Variants in NKAIN3 observed in about 807,000 individuals in gnomAD.
NKAIN3 encodes sodium/potassium transporting ATPase interacting 3.
Under a neutral mutation model 30.2 loss-of-function variants are expected in NKAIN3, and 25 were observed. The ratio of observed to expected loss-of-function variants is 0.83; its 90% confidence interval spans 0.60 to 1.16. The LOEUF is 1.16. Among genes scored for constraint, NKAIN3 ranks in the 50% most tolerant of loss-of-function variants. NKAIN3 has a pLI of 0.00. For missense variants in NKAIN3, 225 were observed against 254.1 expected (o/e 0.89, Z 0.78); for synonymous variants, 91 against 89.6 (o/e 1.02, Z -0.09).
At chr8:62,889,440 A>G (rs1417012600) in intron 4 of NKAIN3, among the ~76,000 whole-genome samples, 2 of 152,146 alleles carry the variant, frequency 1.3e-5, no homozygotes, top group Non-Finnish European at 2.9e-5. Context: ...GGTCCCTCAG[A>G]AGACCACCAA....
At chr8:62,782,849 A>G (rs938224961) in intron 4 of NKAIN3, among the ~76,000 whole-genome samples, 1 of 151,300 alleles carries the variant, frequency 6.6e-6, no homozygotes, top group Admixed American at 6.6e-5. Context: ...AAATGCAGTT[A>G]GATAGAAGAA....
chr8:62,830,950 G>C lies in NKAIN3; in HGVS notation c.471+83821G>C, dbSNP rs1161481178. Among the ~76,000 whole-genome samples, 4 of 152,274 alleles carry C rather than the reference G, an allele frequency of 2.6e-5. No homozygotes were observed. In the East Asian group the frequency reaches 7.8e-4, roughly 30 times the overall value. On this transcript the variant is annotated intron_variant, in intron 4 of 6. Coordinates refer to ENST00000623646, the MANE Select transcript of NKAIN3 (RefSeq NM_001304533.3). ...CACCCATCTTGGACCCTCCCCACAG[G>C]GATGAGCAAGAAGCTCAGACTGCCC...
chr8:62,932,690 G>C (rs1209817060), intron 5 of NKAIN3, among the ~76,000 whole-genome samples: 1 of 152,118 alleles, frequency 6.6e-6, no homozygotes, highest in Non-Finnish European at 1.5e-5. Flanking sequence ...TTTTACACTA[G>C]TGATTTTCAA....
chr8:62,837,402 A>T lies in NKAIN3; in HGVS notation c.472-81051A>T, dbSNP rs373863478. Among the ~76,000 whole-genome samples, 14 of 152,188 alleles carry T rather than the reference A, an allele frequency of 9.2e-5. 1 individual carries two copies. The East Asian group carries it at 1.9e-3, about 21-fold the overall frequency. On this transcript the variant is annotated intron_variant, in intron 4 of 6. Coordinates refer to ENST00000623646, the MANE Select transcript of NKAIN3 (RefSeq NM_001304533.3). ...CGGAGGAAACGCCCTTATAGTTGGT[A>T]TCGGGAAACACAAAGAATTATTTTC...
chr8:62,345,749 A>T (rs1469913205), intron 1 of NKAIN3, among the ~76,000 whole-genome samples: 1 of 151,654 alleles, frequency 6.6e-6, no homozygotes, highest in Non-Finnish European at 1.5e-5. Context: ...CCAAATGGGG[A>T]TATCCTATAC....
chr8:62,733,298 T>C (rs887391103), intron 3 of NKAIN3, among the ~76,000 whole-genome samples: 4 of 152,210 alleles, frequency 2.6e-5, no homozygotes, highest in Admixed American at 2.6e-4. Context: ...TTATGGGAAT[T>C]TGCCTATCTT....
intron 5 of NKAIN3, among the ~76,000 whole-genome samples, chr8:62,997,377 CAGTG>C (rs778216621): frequency 1.3e-5 from 2 of 150,810 alleles, no homozygotes; most frequent in Non-Finnish European, 3.0e-5. Flanking sequence ...AAAACCATGG[CAGTG>C]AGTAAGAATG....
intron 1 of NKAIN3, among the ~76,000 whole-genome samples, chr8:62,262,457 G>A (rs955152966): frequency 1.8e-4 from 27 of 152,082 alleles, no homozygotes; most frequent in Non-Finnish European, 2.5e-4. Flanking sequence ...TTCTTTCTCC[G>A]TAAAAGTTTA....
intron 4 of NKAIN3, chr8:62,855,837 A>C: frequency 2.4e-6 from 2 of 824,814 alleles, no homozygotes; most frequent in Non-Finnish European, 2.1e-6. Flanking sequence ...AGTCACCAGA[A>C]ATTTCTGGTC....
chr8:62,783,746 G>A (rs1586190726), intron 4 of NKAIN3, among the ~76,000 whole-genome samples: 1 of 151,820 alleles, frequency 6.6e-6, no homozygotes, highest in Admixed American at 6.6e-5. Flanking sequence ...GAGTAGGTGA[G>A]ACTACAAGGG....
rs1367636831 is a variant in NKAIN3 at position 62,310,426 on chromosome 8, T to C, written c.54+61299T>C. On this transcript the variant is annotated intron_variant, in intron 1 of 6. Coordinates refer to ENST00000623646, the MANE Select transcript of NKAIN3 (RefSeq NM_001304533.3). ...AGCAAATTGCAAATATTAATTCTAATATTGTCAAAAAGAACCATTTTATAT... is the reference window on the plus strand; with the variant it reads ...AGCAAATTGCAAATATTAATTCTAACATTGTCAAAAAGAACCATTTTATAT... Among the ~76,000 whole-genome samples, 5 of 150,602 alleles carry C rather than the reference T, an allele frequency of 3.3e-5. 1 individual carries two copies. Among genetic ancestry groups the C allele is most frequent in the African/African-American group, 7.5e-5 (3 of 39,946 alleles).
intron 4 of NKAIN3, among the ~76,000 whole-genome samples, chr8:62,854,271 A>T (rs983768487): frequency 6.6e-6 from 1 of 152,142 alleles, no homozygotes; most frequent in African/African-American, 2.4e-5. Context: ...GTTCTGCCTC[A>T]ATGATCTGCC....
chr8:62,715,584 G>A (rs1331813093), intron 3 of NKAIN3, among the ~76,000 whole-genome samples: 1 of 152,088 alleles, frequency 6.6e-6, no homozygotes, highest in Non-Finnish European at 1.5e-5. Flanking sequence ...CTATGCTGTC[G>A]GTGTTGTGAG....
Position 62,957,122 on chromosome 8 carries a change from C to A in NKAIN3, c.603+3150C>A, listed in dbSNP as rs565129375. On this transcript the variant is annotated intron_variant, in intron 6 of 6. Transcript: ENST00000623646. ...TTTTGTTCACACAAAAACTTACACA[C>A]CGATATTTATAGCAGCCTTTTTTTT... is the stretch of plus-strand genomic sequence containing the variant. Among the ~76,000 whole-genome samples, 12 of 146,358 alleles carry A rather than the reference C, an allele frequency of 8.2e-5. No homozygotes were observed. In the South Asian group the frequency reaches 2.7e-3, roughly 33 times the overall value.
At chr8:62,769,539 C>T (rs1393385378) in intron 4 of NKAIN3, among the ~76,000 whole-genome samples, 1 of 152,164 alleles carries the variant, frequency 6.6e-6, no homozygotes, top group Non-Finnish European at 1.5e-5. Flanking sequence ...AATTGACAAG[C>T]TAATGTTCTC....
chr8:62,367,558 T>C (rs1003711097), intron 1 of NKAIN3, among the ~76,000 whole-genome samples: 1 of 152,126 alleles, frequency 6.6e-6, no homozygotes, highest in African/African-American at 2.4e-5. Flanking sequence ...TTAGATATGA[T>C]TTAGTATGTA....
At chr8:62,788,520 C>T (rs1033701122) in intron 4 of NKAIN3, among the ~76,000 whole-genome samples, 2 of 152,160 alleles carry the variant, frequency 1.3e-5, no homozygotes, top group Non-Finnish European at 2.9e-5. Context: ...TTTTGCTGTG[C>T]AGAGGCCGTT....
At chr8:62,855,645 G>T (rs1287739913) in intron 4 of NKAIN3, 2 of 1,604,326 alleles carry the variant, frequency 1.2e-6, no homozygotes, top group Non-Finnish European at 1.7e-6. Context: ...AAGGCCTCCA[G>T]GTTCCTGAAG....
chr8:62,731,273 A>C (rs1554571736), intron 3 of NKAIN3, among the ~76,000 whole-genome samples: 5 of 127,614 alleles, frequency 3.9e-5, no homozygotes, highest in South Asian at 5.2e-4. Context: ...ACACACACAC[A>C]CCCTTCCTTC....
Sources: allele counts gnomAD v4.1 joint callset (sites outside exome capture counted in the v4.1 genomes callset), GRCh38; gene constraint gnomAD v4.1.1; transcripts MANE v1.5; gene names NCBI Gene and HGNC (gene_info 2026-07-23, HGNC 2026-07-21).